STRN4: variants seen among roughly 807,000 people sequenced by gnomAD.
The protein encoded by STRN4 is striatin 4, also known as striatin-4.
A neutral mutation model predicts 77.9 loss-of-function variants in STRN4; 27 were observed. The observed-to-expected ratio is 0.35, with a 90% CI of 0.26 to 0.48. STRN4 has a LOEUF of 0.48. Among genes scored for constraint, STRN4 ranks in the 20% least tolerant of loss-of-function variants. The pLI is 0.99. For missense variants in STRN4, 798 were observed against 1,049.7 expected, an observed-to-expected ratio of 0.76 and a Z score of 3.31; for synonymous variants, 466 against 443.1, an observed-to-expected ratio of 1.05 and a Z score of -0.65.
At chr19:46,736,723 C>T in intron 4 of STRN4, 100 bp downstream of exon 4, 1 of 1,217,346 alleles carries the variant, frequency 8.2e-7, no homozygotes, top group Non-Finnish European at 1.2e-6. Context: ...GATAGTTCAG[C>T]ATCCCCAGTG....
chr19:46,732,937 G>A, intron 5 of STRN4, 102 bp downstream of exon 5: 2 of 1,389,072 alleles, frequency 1.4e-6, no homozygotes, highest in Non-Finnish European at 1.9e-6. Context: ...CAGGAGGAGG[G>A]GCCGCCAGGG....
At chr19:46,730,917 T>C in intron 5 of STRN4, 44 bp from the exon 6 acceptor site, 1 of 1,599,886 alleles carries the variant, frequency 6.3e-7, no homozygotes, top group Non-Finnish European at 8.5e-7. Flanking sequence ...TCCTGGCAGG[T>C]GTCAAAGCTC....
chr19:46,724,840 GA>G lies in STRN4; in HGVS notation c.1560del (p.Pro521GlnfsTer16). 6.2e-7 allele frequency: 1 copy of G among 1,613,820 alleles called. No homozygotes were observed. The highest frequency in any genetic ancestry group is 8.5e-7 in the Non-Finnish European group (1 of 1,180,028). Reference protein sequence around the residue: ...GADACIHSWKIPDLSMDPYDG... With the variant: ...GADACIHSWKXPDLSMDPYDG... ...TCATAGGGATCCATGCTGAGGTCTG[GA>G]ATCTTCCAACTATGGATGCAGGCAT... On this transcript the variant is annotated frameshift_variant, in exon 12 of 18. Transcript: ENST00000263280. LOFTEE classifies it high-confidence loss of function.
intron 5 of STRN4, 28 bp from the exon 6 acceptor site, chr19:46,730,901 C>A (rs368951928): frequency 6.2e-7 from 1 of 1,606,708 alleles, no homozygotes; most frequent in African/African-American, 1.3e-5. Flanking sequence ...GCAGAGGAGG[C>A]ATGAGTCCTG....
intron 1 of STRN4, chr19:46,739,222 G>A: frequency 2.8e-6 from 1 of 359,430 alleles, no homozygotes; most frequent in Non-Finnish European, 5.4e-6. Context: ...AGGAGGGTGG[G>A]CATTCACCGC....
chr19:46,738,903 A>G lies in STRN4; in HGVS notation c.283-15T>C. Reference sequence around the variant, plus strand: ...GCCACCTGAGCCTGGGAGGGCAGACAGGAGGCAAAGGGAGATAATGGGGCT... The same window carrying G: ...GCCACCTGAGCCTGGGAGGGCAGACGGGAGGCAAAGGGAGATAATGGGGCT... On this transcript the variant is annotated splice_polypyrimidine_tract_variant and intron_variant, in intron 1 of 17. Transcript: ENST00000263280. The surrounding 1 kb of genome is among the most constrained non-coding windows in gnomAD (Gnocchi z 4.5). 6.2e-7 allele frequency: 1 copy of G among 1,609,182 alleles called. No homozygotes were observed. Among genetic ancestry groups the G allele is most frequent in the Non-Finnish European group, 8.5e-7 (1 of 1,176,472 alleles).
intron 15 of STRN4, 52 bp from the exon 16 acceptor site, chr19:46,722,124 TGAGAGAGTGAAAGGACTGGAC>T: frequency 1.9e-6 from 3 of 1,607,406 alleles, no homozygotes; most frequent in Non-Finnish European, 2.6e-6. Context: ...GGGCCTCGCC[TGAGAGAGTGAAAGGACTGGAC>T]GAGAGACTCC....
At position 46,723,653 on chromosome 19, in the gene STRN4, G is replaced by A. The variant is rs952404633; in HGVS notation, c.1595-369C>T. ...GCGGCACGCAGCCTGTGCTGGACAA[G>A]GGTTGGTCCCAACCCTGGCCCGAGC... On this transcript the variant is annotated intron_variant, in intron 12 of 17. Transcript: ENST00000263280. The surrounding 1 kb of genome is among the most constrained non-coding windows in gnomAD (Gnocchi z 5.5). Among the ~76,000 whole-genome samples, 2 of 152,222 alleles carry A rather than the reference G, an allele frequency of 1.3e-5. No homozygotes were observed. Among genetic ancestry groups the A allele is most frequent in the African/African-American group, 4.8e-5 (2 of 41,462 alleles).
At chr19:46,732,338 A>T (rs1356554966) in intron 5 of STRN4, 2 of 152,200 alleles carry the variant, frequency 1.3e-5, no homozygotes, top group African/African-American at 4.8e-5. Flanking sequence ...CCTGAGTCAA[A>T]CTCAGACTCT....
chr19:46,745,223 C>T (rs542112260), intron 1 of STRN4, among the ~76,000 whole-genome samples: 1 of 152,210 alleles, frequency 6.6e-6, no homozygotes, highest in East Asian at 1.9e-4. Flanking sequence ...TACCTACATC[C>T]TACAACACAC....
At chr19:46,724,770 G>T (rs2054068090) in intron 12 of STRN4, 37 bp downstream of exon 12, 1 of 1,613,554 alleles carries the variant, frequency 6.2e-7, no homozygotes, top group South Asian at 1.1e-5. Context: ...CCAGGCCCCA[G>T]TGGATGTGAG....
At chr19:46,732,944 AG>A in intron 5 of STRN4, 94 bp downstream of exon 5, 2 of 1,448,746 alleles carry the variant, frequency 1.4e-6, no homozygotes. Flanking sequence ...AGGGGCCGCC[AG>A]GGCACCCAGC....
In STRN4 at chr19:46,730,727, C is replaced by A; in HGVS notation, c.879+5G>T. ...GGCTGTGCAGGGCATGGAGGAAGGGCTCACCTTCACACGCTGCTTCTTGTG... is the reference window on the plus strand; with the variant it reads ...GGCTGTGCAGGGCATGGAGGAAGGGATCACCTTCACACGCTGCTTCTTGTG... On this transcript the variant is annotated splice_donor_5th_base_variant and intron_variant, in intron 6 of 17. Transcript: ENST00000263280. The A allele has an allele frequency of 6.2e-7, 1 of 1,611,386 alleles. No homozygotes were observed. Among genetic ancestry groups the A allele is most frequent in the Non-Finnish European group, 8.5e-7 (1 of 1,179,950 alleles).
intron 3 of STRN4, among the ~76,000 whole-genome samples, chr19:46,737,518 A>C (rs1361108515): frequency 6.6e-6 from 1 of 151,944 alleles, no homozygotes; most frequent in East Asian, 1.9e-4. Flanking sequence ...TGCCTCGGCC[A>C]AGCTTCCCCC....
At chr19:46,727,395 G>T in intron 9 of STRN4, 57 bp downstream of exon 9, 1 of 1,461,514 alleles carries the variant, frequency 6.8e-7, no homozygotes, top group Non-Finnish European at 9.5e-7. Context: ...GCTTGCAGGG[G>T]CTGGCCCTGG....
intron 16 of STRN4, chr19:46,721,518 C>G (rs2053976055): frequency 5.2e-6 from 1 of 193,264 alleles, no homozygotes; most frequent in African/African-American, 2.3e-5. Flanking sequence ...AGGCCTCACC[C>G]TTCACCCCCA....
chr19:46,729,488 TG>T (rs963244712), intron 6 of STRN4, among the ~76,000 whole-genome samples: 34 of 152,088 alleles, frequency 2.2e-4, no homozygotes, highest in Middle Eastern at 3.4e-3. Flanking sequence ...CTGACCTGCA[TG>T]GGGGGGACCA....
At chr19:46,721,436 A>C (rs1599854887) in intron 16 of STRN4, 1 of 157,082 alleles carries the variant, frequency 6.4e-6, no homozygotes, top group African/African-American at 2.4e-5. Context: ...GCCCGGAGGC[A>C]GAGCCCAGCC....
chr19:46,721,768 G>T, intron 16 of STRN4: 1 of 545,802 alleles, frequency 1.8e-6, no homozygotes. Context: ...AACCGCACAG[G>T]CTGCTTAGAG....
Sources: allele counts gnomAD v4.1 joint callset (sites outside exome capture counted in the v4.1 genomes callset), GRCh38; gene constraint gnomAD v4.1.1; non-coding constraint Gnocchi (gnomAD v3.1); transcripts MANE v1.5; gene names NCBI Gene and HGNC (gene_info 2026-07-23, HGNC 2026-07-21).